The following PSPC1 variants were observed in gnomAD, a reference collection of about 807,000 sequenced individuals.
PSPC1 encodes the protein paraspeckle component 1.
A neutral mutation model predicts 51.6 loss-of-function variants in PSPC1; 14 were observed. The ratio of observed to expected loss-of-function variants is 0.27; its 90% CI spans 0.18 to 0.42. PSPC1 has a LOEUF of 0.42. PSPC1 is among the 10% of genes least tolerant of loss of function. PSPC1 has a pLI of 1.00. For missense variants in PSPC1, 406 were observed against 701.1 expected (o/e 0.58, Z 4.75); for synonymous variants, 193 against 231.9 (o/e 0.83, Z 1.53).
chr13:19,710,597 G>A (rs936984553), intron 6 of PSPC1, among the ~76,000 whole-genome samples: 1 of 152,116 alleles, frequency 6.6e-6, no homozygotes, highest in Non-Finnish European at 1.5e-5. Flanking sequence ...ACGAAAGACT[G>A]TTGAAAAGCA....
At chr13:19,680,903 C>T (rs1172972859) in intron 6 of PSPC1, among the ~76,000 whole-genome samples, 3 of 152,182 alleles carry the variant, frequency 2.0e-5, no homozygotes, top group Non-Finnish European at 4.4e-5. Flanking sequence ...ACATACTTTT[C>T]TATGACTTAA....
intron 3 of PSPC1, among the ~76,000 whole-genome samples, chr13:19,752,809 A>C (rs1176994886): frequency 2.7e-5 from 4 of 149,170 alleles, no homozygotes; most frequent in South Asian, 4.6e-4. Context: ...GCTGGTCTTG[A>C]ACTCCTGACC....
intron 6 of PSPC1, among the ~76,000 whole-genome samples, chr13:19,721,771 G>A (rs1785436907): frequency 6.6e-6 from 1 of 152,142 alleles, no homozygotes; most frequent in Non-Finnish European, 1.5e-5. Context: ...CGACCTGTAA[G>A]TCTAATACTC....
intron 3 of PSPC1, among the ~76,000 whole-genome samples, chr13:19,754,482 GCT>G (rs553249553): frequency 7.8e-4 from 105 of 133,982 alleles, no homozygotes; most frequent in African/African-American, 2.6e-3. Context: ...AGACAGTCTC[GCT>G]CTGTCACCCA....
intron 8 of PSPC1, among the ~76,000 whole-genome samples, chr13:19,703,760 G>GAGC: frequency 6.6e-6 from 1 of 151,820 alleles, no homozygotes; most frequent in East Asian, 1.9e-4. Context: ...TAAAACTGGG[G>GAGC]AGCAGCATCA....
chr13:19,677,302 G>A (rs558867463), intron 7 of PSPC1, among the ~76,000 whole-genome samples: 1 of 151,886 alleles, frequency 6.6e-6, no homozygotes, highest in African/African-American at 2.4e-5. Context: ...AGGTTTGGAG[G>A]TCATTAAAAA....
At chr13:19,680,960 G>C (rs1343243474) in intron 6 of PSPC1, among the ~76,000 whole-genome samples, 1 of 152,224 alleles carries the variant, frequency 6.6e-6, no homozygotes, top group Non-Finnish European at 1.5e-5. Context: ...GCTCATGCCT[G>C]TAATCCCAGC....
intron 2 of PSPC1, among the ~76,000 whole-genome samples, chr13:19,766,475 T>C (rs1482221444): frequency 6.6e-6 from 1 of 152,086 alleles, no homozygotes; most frequent in Non-Finnish European, 1.5e-5. Context: ...AGCAGATCAC[T>C]TGAGCCCAAG....
At chr13:19,736,637 C>T (rs528949385) in intron 5 of PSPC1, among the ~76,000 whole-genome samples, 8 of 152,162 alleles carry the variant, frequency 5.3e-5, no homozygotes, top group Non-Finnish European at 8.8e-5. Flanking sequence ...GAGCCGAGAT[C>T]GCGCCACTGC....
intron 6 of PSPC1, among the ~76,000 whole-genome samples, chr13:19,710,662 A>C (rs1881276619): frequency 6.6e-6 from 1 of 152,208 alleles, no homozygotes; most frequent in African/African-American, 2.4e-5. Flanking sequence ...ATTGCCATTA[A>C]GCCACAAGTG....
intron 6 of PSPC1, among the ~76,000 whole-genome samples, chr13:19,691,497 G>C (rs1388078780): frequency 1.3e-5 from 2 of 152,260 alleles, no homozygotes; most frequent in Admixed American, 6.5e-5. Flanking sequence ...ACTCCAGCCT[G>C]AGTGACAGAG....
At position 19,764,682 on chromosome 13, in the gene PSPC1, TAA is replaced by T. The variant is rs68143550; in HGVS notation, c.675-5266_675-5265del. ...ACCTGGGTAAGAGCAGAACTTGCCT[TAA>T]AAAAAAAAAAAAAAAAAGGTGGCTT... On this transcript the variant is annotated intron_variant, in intron 2 of 8. Coordinates refer to ENST00000338910, the MANE Select transcript of PSPC1 (RefSeq NM_001354909.2). Among the ~76,000 whole-genome samples the T allele has an allele frequency of 2.3e-4, 18 of 78,278 alleles. 1 individual carries two copies. Among genetic ancestry groups the T allele is most frequent in the Admixed American group, 6.6e-4 (3 of 4,574 alleles). The allele number at this position is 78,278 out of a possible 152,430, so 51.4% of individuals were successfully genotyped here. A position where few individuals can be genotyped will look rare whatever the true frequency, so the allele number is the denominator to read the frequency against.
chr13:19,689,913 A>G (rs528582996), intron 6 of PSPC1, among the ~76,000 whole-genome samples: 1 of 152,284 alleles, frequency 6.6e-6, no homozygotes, highest in Admixed American at 6.5e-5. Context: ...GAACAGTAAT[A>G]TATATGAGGT....
At chr13:19,753,201 T>C (rs1408653300) in intron 3 of PSPC1, among the ~76,000 whole-genome samples, 1 of 148,582 alleles carries the variant, frequency 6.7e-6, no homozygotes, top group Non-Finnish European at 1.5e-5. Context: ...GAGAATCGCT[T>C]GAACTCGGGA....
rs1455352214 is a variant in PSPC1, at chr13:19,750,141, A to C, written c.967+1130T>G. On this transcript the variant is annotated intron_variant, in intron 4 of 8. Coordinates refer to ENST00000338910, the MANE Select transcript of PSPC1 (RefSeq NM_001354909.2). ...ATTTCACCTGCTAAGAAAAATACTG[A>C]ATCTAGTACACAGAACGGTTTAAAG... Among the ~76,000 whole-genome samples the C allele has an allele frequency of 3.3e-5, 5 of 152,226 alleles. No homozygotes were observed. The East Asian group carries it at 9.6e-4, about 29-fold the overall frequency.
chr13:19,745,181 G>T (rs1376233442), intron 4 of PSPC1, among the ~76,000 whole-genome samples: 5 of 152,108 alleles, frequency 3.3e-5, no homozygotes, highest in African/African-American at 1.2e-4. Flanking sequence ...AGCCGGGCAT[G>T]GTGGCACACG....
At chr13:19,749,836 G>A (rs968972087) in intron 4 of PSPC1, among the ~76,000 whole-genome samples, 3 of 151,938 alleles carry the variant, frequency 2.0e-5, no homozygotes, top group African/African-American at 7.2e-5. Flanking sequence ...AGATATAAAT[G>A]AATTCAATTT....
intron 6 of PSPC1, among the ~76,000 whole-genome samples, chr13:19,710,813 T>A (rs1356125986): frequency 1.3e-5 from 2 of 150,210 alleles, no homozygotes; most frequent in Non-Finnish European, 3.0e-5. Flanking sequence ...ATTTAGAAGA[T>A]TTAAATACCA....
At chr13:19,683,900 G>T (rs1593519645) in intron 6 of PSPC1, among the ~76,000 whole-genome samples, 1 of 152,078 alleles carries the variant, frequency 6.6e-6, no homozygotes, top group Admixed American at 6.6e-5. Context: ...GAAATGTGAA[G>T]TTCAGCAAAG....
Sources: allele counts gnomAD v4.1 joint callset (sites outside exome capture counted in the v4.1 genomes callset), GRCh38; gene constraint gnomAD v4.1.1; transcripts MANE v1.5; gene names NCBI Gene and HGNC (gene_info 2026-07-23, HGNC 2026-07-21).